Variants in EPS8L2 observed in about 807,000 individuals in gnomAD.
The protein encoded by EPS8L2 is EPS8 signaling adaptor L2.
Under a neutral mutation model 99.4 loss-of-function variants are expected in EPS8L2, and 81 were observed. The ratio of observed to expected loss-of-function variants is 0.82; its 90% CI spans 0.68 to 0.98. The LOEUF (loss-of-function observed/expected upper bound fraction) is 0.98, where lower values mean the gene tolerates loss of function less well. Among genes scored for constraint, EPS8L2 ranks in the 50% least tolerant of loss-of-function variants. The probability of loss-of-function intolerance (pLI) is 0.00; values close to 1 mark genes in which losing one functional copy is unlikely to be tolerated. For synonymous variants in EPS8L2, 509 were observed against 407.3 expected, an observed-to-expected ratio of 1.25 and a Z score of -3.01; for missense variants, 1,155 against 968.8, an observed-to-expected ratio of 1.19 and a Z score of -2.55.
chr11:715,958 G>A (rs1862014763), intron 4 of EPS8L2, among the ~76,000 whole-genome samples: 1 of 131,882 alleles, frequency 7.6e-6, no homozygotes, highest in African/African-American at 2.9e-5. Flanking sequence ...TGAAACCTTA[G>A]ATTATTTATC....
chr11:709,180 G>A, intron 1 of EPS8L2, 150 bp from the exon 2 acceptor site: 1 of 611,322 alleles, frequency 1.6e-6, no homozygotes, highest in Non-Finnish European at 2.9e-6. Flanking sequence ...GGCCAACTGG[G>A]ACGTGGGGCC....
chr11:725,105 G>A (rs1394045692), intron 16 of EPS8L2, among the ~76,000 whole-genome samples: 1 of 152,216 alleles, frequency 6.6e-6, no homozygotes, highest in Non-Finnish European at 1.5e-5. Context: ...ACTCAGCGGG[G>A]GCCTGTCATT....
At chr11:720,504 G>T (rs1235248295) in intron 5 of EPS8L2, 93 bp from the exon 6 acceptor site, 5 of 1,534,322 alleles carry the variant, frequency 3.3e-6, no homozygotes, top group East Asian at 4.9e-5. Flanking sequence ...CGCCAGAGGG[G>T]CCTGTGCTCC....
intron 4 of EPS8L2, among the ~76,000 whole-genome samples, chr11:711,103 G>T (rs1013090354): frequency 1.9e-4 from 29 of 152,164 alleles, no homozygotes; most frequent in African/African-American, 6.8e-4. Flanking sequence ...ATTCAGGGAG[G>T]CCCGGGCTGC....
Position 721,086 on chromosome 11 carries a change from C to T in EPS8L2, c.580C>T (p.Gln194Ter). 2 of 1,504,014 alleles carry T rather than the reference C, an allele frequency of 1.3e-6. No individual in the cohort carries two copies. The highest frequency in any genetic ancestry group is 8.9e-7 in the Non-Finnish European group (1 of 1,126,890). 93.2% of individuals were successfully genotyped at this position (1,504,014 alleles called of 1,614,324 possible). A position where few individuals can be genotyped will look rare whatever the true frequency, so the allele number is the denominator to read the frequency against. The change falls in exon 8 of 21, where the codon CAG (glutamine) becomes TAG (stop). Residue 194 changes from glutamine to a stop codon, truncating the protein, a stop_gained. Coordinates refer to ENST00000318562, the MANE Select transcript of EPS8L2 (RefSeq NM_022772.4). LOFTEE classifies it high-confidence loss of function. The part of the protein sequence containing the change: ...TLKGHQEKIR[Q>*]RQSILPPPQG... ...CAGGGGACACCAGGAGAAGATTCGG[C>T]AGCGGCAGTCCATCCTGCCTCCTCC...
chr11:715,959 A>G (rs1590050283), intron 4 of EPS8L2, among the ~76,000 whole-genome samples: 1 of 132,802 alleles, frequency 7.5e-6, no homozygotes, highest in East Asian at 2.3e-4. Flanking sequence ...GAAACCTTAG[A>G]TTATTTATCT....
In EPS8L2 at chr11:722,722, C is replaced by A; in HGVS notation, c.1258C>A (p.His420Asn). 6.2e-7 allele frequency: 1 copy of A among 1,609,012 alleles called. No homozygotes were observed. The highest frequency in any genetic ancestry group is 1.3e-5 in the African/African-American group (1 of 74,894). The change falls in exon 14 of 21, where the codon CAC becomes AAC. Residue 420 changes from histidine (H) to asparagine (N), a missense_variant. By Grantham distance (68) the His-to-Asn change is moderately conservative. Transcript: ENST00000318562. The stretch of plus-strand genomic sequence containing the variant: ...GGTGCCCCTCTACGTGCCCAAGTTC[C>A]ACAGCGGCTGGGAGCCTCCTGTGGA... Reference protein sequence around the residue: ...PQVPLYVPKFHSGWEPPVDVL... With the variant: ...PQVPLYVPKFNSGWEPPVDVL...
rs71022959 is a variant in EPS8L2, at chr11:720,980, C to CT, written c.557+71_557+72insT. 4 of 1,434,494 alleles carry CT rather than the reference C, an allele frequency of 2.8e-6. No homozygotes were observed. In the Admixed American group the frequency reaches 6.5e-5, roughly 23 times the overall value. 88.9% of individuals were successfully genotyped at this position (1,434,494 alleles called of 1,614,324 possible). A position where few individuals can be genotyped will look rare whatever the true frequency, so the allele number is the denominator to read the frequency against. ...GAGCCCGGCAGGGGAGGGGAGGAGC[C>CT]GGCAGGGGAGGGGAGGAGCCCGGCA... On this transcript the variant is annotated intron_variant, in intron 7 of 20. Transcript: ENST00000318562.
intron 4 of EPS8L2, 67 bp downstream of exon 4, chr11:710,553 T>G (rs1590046638): frequency 7.2e-7 from 1 of 1,393,348 alleles, no homozygotes; most frequent in Non-Finnish European, 1.0e-6. Flanking sequence ...TGTCCTCAGG[T>G]TCTCGTCTCC....
At position 723,203 on chromosome 11, in the gene EPS8L2, G is replaced by GC. The variant is rs756773723; in HGVS notation, c.1342-34dup. On this transcript the variant is annotated intron_variant, in intron 14 of 20. Transcript: ENST00000318562. ...CCCCCTCGTCCTGGGACCCAGCCCC[G>GC]CCCCATGTCTAACTCAGGTCGCCCA... 5.5e-6 allele frequency: 6 copies of GC among 1,085,438 alleles called. No individual in the cohort carries two copies. The Admixed American group carries it at 1.2e-4, about 22-fold the overall frequency. The allele number at this position is 1,085,438 out of a possible 1,614,324, so 67.2% of individuals were successfully genotyped here.
rs750154367 is a variant in EPS8L2 at position 723,307 on chromosome 11, C to T, written c.1408C>T (p.Pro470Ser). Reference protein sequence around the residue: ...QKHSPTSEPTPPGDALPPVSS... With the variant: ...QKHSPTSEPTSPGDALPPVSS... The stretch of plus-strand genomic sequence containing the variant: ...GCACAGCCCCACTTCAGAGCCCACC[C>T]CCCCGGGGGATGCCCTACCACCAGT... Residue 470 changes from proline to serine, a missense_variant, in exon 15 of 21, where the codon CCC (proline) becomes TCC (serine). Coordinates refer to ENST00000318562, the MANE Select transcript of EPS8L2 (RefSeq NM_022772.4). The T allele has an allele frequency of 1.2e-6, 2 of 1,601,366 alleles. No individual in the cohort carries two copies. Among genetic ancestry groups the T allele is most frequent in the South Asian group, 1.1e-5 (1 of 89,534 alleles).
Position 721,214 on chromosome 11 carries a change from G to A in EPS8L2, c.700+8G>A. The A allele has an allele frequency of 3.9e-6, 6 of 1,530,696 alleles. No individual in the cohort carries two copies. Among genetic ancestry groups the A allele is most frequent in the Non-Finnish European group, 5.3e-6 (6 of 1,140,888 alleles). The allele number at this position is 1,530,696 out of a possible 1,614,324, so 94.8% of individuals were successfully genotyped here. A position where few individuals can be genotyped will look rare whatever the true frequency, so the allele number is the denominator to read the frequency against. On this transcript the variant is annotated splice_region_variant and intron_variant, in intron 8 of 20. Coordinates refer to ENST00000318562, the MANE Select transcript of EPS8L2 (RefSeq NM_022772.4). Reference sequence around the variant, plus strand: ...TGCCACTCAGCGAGCCAGGTGGGCCGAGGGGCTGGAGGGGGCTCCACAGGG... The same window carrying A: ...TGCCACTCAGCGAGCCAGGTGGGCCAAGGGGCTGGAGGGGGCTCCACAGGG...
intron 4 of EPS8L2, among the ~76,000 whole-genome samples, chr11:719,515 C>T (rs1862101182): frequency 6.6e-6 from 1 of 152,258 alleles, no homozygotes; most frequent in Non-Finnish European, 1.5e-5. Flanking sequence ...ATCCCGCACA[C>T]ACTTGTCGAG....
rs186943427 is a variant in EPS8L2 at position 721,825 on chromosome 11, A to T, written c.896-78A>T. 1.9e-4 allele frequency: 282 copies of T among 1,501,684 alleles called. No homozygotes were observed. The Middle Eastern group carries it at 4.0e-3, about 21-fold the overall frequency. 93.0% of individuals were successfully genotyped at this position (1,501,684 alleles called of 1,614,324 possible). ...GTGGAGGAAGGTCCAGCCCACACAG[A>T]TGGGCTGCGTGGGACAGAAGGCGCA... On this transcript the variant is annotated intron_variant, in intron 10 of 20. Transcript: ENST00000318562.
intron 14 of EPS8L2, 40 bp from the exon 15 acceptor site, chr11:723,201 C>T (rs1862236386): frequency 8.8e-7 from 1 of 1,137,884 alleles, no homozygotes; most frequent in Non-Finnish European, 1.3e-6. Context: ...GGACCCAGCC[C>T]CGCCCCATGT....
At chr11:718,672 CTTT>C (rs1174895390) in intron 4 of EPS8L2, among the ~76,000 whole-genome samples, 3 of 128,186 alleles carry the variant, frequency 2.3e-5, no homozygotes, top group Admixed American at 1.6e-4. Flanking sequence ...TTTTTAATTT[CTTT>C]TTTTTTTTTT....
At chr11:709,261 G>A in intron 1 of EPS8L2, 69 bp from the exon 2 acceptor site, 1 of 976,826 alleles carries the variant, frequency 1.0e-6, no homozygotes, top group Non-Finnish European at 1.5e-6. Context: ...CAGGGATCTG[G>A]CCCAGGGAAG....
chr11:717,792 A>G lies in EPS8L2; in HGVS notation c.166-2270A>G, dbSNP rs575856811. On this transcript the variant is annotated intron_variant, in intron 4 of 20. Coordinates refer to ENST00000318562, the MANE Select transcript of EPS8L2 (RefSeq NM_022772.4). The stretch of plus-strand genomic sequence containing the variant: ...TGGGAGGCCGAGGCGGGCAGATCAC[A>G]AGGTCAGGAGATGGAGACCATCCTG... Among the ~76,000 whole-genome samples, 13 of 142,414 alleles carry G rather than the reference A, an allele frequency of 9.1e-5. No individual in the cohort carries two copies. The South Asian group carries it at 2.7e-3, about 29-fold the overall frequency. 93.4% of individuals were successfully genotyped at this position (142,414 alleles called of 152,430 possible). A position where few individuals can be genotyped will look rare whatever the true frequency, so the allele number is the denominator to read the frequency against.
intron 15 of EPS8L2, among the ~76,000 whole-genome samples, chr11:723,732 T>C (rs1480755148): frequency 6.6e-6 from 1 of 151,910 alleles, no homozygotes; most frequent in East Asian, 1.9e-4. Flanking sequence ...GAGACTGGGG[T>C]TCTGGGCTAG....
Sources: allele counts gnomAD v4.1 joint callset (sites outside exome capture counted in the v4.1 genomes callset), GRCh38; gene constraint gnomAD v4.1.1; transcripts MANE v1.5; gene names NCBI Gene and HGNC (gene_info 2026-07-23, HGNC 2026-07-21).